The following SRPRA variants were observed in gnomAD, a reference collection of about 807,000 sequenced individuals.
SRPRA encodes the protein signal recognition particle receptor subunit alpha.
In SRPRA, 30 loss-of-function variants were observed where a neutral mutation model predicts 61.1. The observed-to-expected ratio is 0.49, with a 90% confidence interval of 0.37 to 0.67. The LOEUF (loss-of-function observed/expected upper bound fraction) is 0.67. Ranked by LOEUF, SRPRA falls within the 30% of genes least tolerant of loss-of-function variation. The probability of loss-of-function intolerance (pLI) is 0.00; values close to 1 mark genes in which losing one functional copy is unlikely to be tolerated. For synonymous variants in SRPRA, 324 were observed against 299.7 expected (o/e 1.08, Z -0.84); for missense variants, 759 against 828.4 (o/e 0.92, Z 1.03).
Position 126,264,394 on chromosome 11 carries a change from A to G in SRPRA, c.1671T>C (p.Asn557=). Residue 557 remains asparagine (N), a synonymous_variant, in exon 12 of 14, where the codon AAT becomes AAC. Coordinates refer to ENST00000332118, the MANE Select transcript of SRPRA (RefSeq NM_003139.4). This position sits in a 1 kb window ranked among gnomAD's most constrained non-coding sequence, Gnocchi z 5.0. ...CTCTCACCAGCTGGTCCACGGCTTCATTGCCTACTAAGGCTTCTCCTACAA... is the reference window on the plus strand; with the variant it reads ...CTCTCACCAGCTGGTCCACGGCTTCGTTGCCTACTAAGGCTTCTCCTACAA... ...VLFVGEALVG[N]EAVDQLVKFN... The G allele has an allele frequency of 6.2e-7, 1 of 1,614,240 alleles. No individual in the cohort carries two copies. The highest frequency in any genetic ancestry group is 8.5e-7 in the Non-Finnish European group (1 of 1,180,046).
the SRPRA span, among the ~76,000 whole-genome samples, chr11:126,239,351 A>G: frequency 8.5e-5 from 13 of 152,210 alleles, no homozygotes; most frequent in Non-Finnish European, 1.9e-4. Context: ...ATGAAAAGTA[A>G]AAAGTCCTTA....
chr11:126,258,330 T>C (rs1210093304), downstream of SRPRA, among the ~76,000 whole-genome samples: 1 of 152,194 alleles, frequency 6.6e-6, no homozygotes, highest in East Asian at 1.9e-4. Flanking sequence ...GAGTCTGCAG[T>C]GAGCTATGAT....
chr11:126,237,972 G>C, the SRPRA span, among the ~76,000 whole-genome samples: 1 of 150,136 alleles, frequency 6.7e-6, no homozygotes, highest in South Asian at 2.1e-4. Flanking sequence ...CTCTCTACCT[G>C]CTAGTTTGTT....
chr11:126,236,350 A>AATTTTTAGT, the SRPRA span, among the ~76,000 whole-genome samples: 1 of 152,324 alleles, frequency 6.6e-6, no homozygotes, highest in Non-Finnish European at 1.5e-5. Context: ...CTGAGTATAG[A>AATTTTTAGT]ATTTTTAGTA....
chr11:126,266,285 G>A lies in SRPRA; in HGVS notation c.841-7C>T, dbSNP rs1950808310. 6.2e-7 allele frequency: 1 copy of A among 1,613,904 alleles called. No individual in the cohort carries two copies. The highest frequency in any genetic ancestry group is 1.1e-5 in the South Asian group (1 of 91,090). On this transcript the variant is annotated splice_region_variant and splice_polypyrimidine_tract_variant and intron_variant, in intron 6 of 13. Transcript: ENST00000332118. ...CAGACCCAGTCCCTCGAATCTGGAA[G>A]ATACGGGGAAAGGATGTGGGGTCAG...
At chr11:126,247,881 CTATA>C in the SRPRA span, among the ~76,000 whole-genome samples, 1 of 138,856 alleles carries the variant, frequency 7.2e-6, no homozygotes, top group Non-Finnish European at 1.5e-5. Context: ...ATATATATAT[CTATA>C]TATATATATA....
chr11:126,254,498 T>C, the SRPRA span: 1 of 1,593,614 alleles, frequency 6.3e-7, no homozygotes, highest in Non-Finnish European at 8.6e-7. Context: ...AAATATGCCA[T>C]AGATCTTAAA....
the SRPRA span, among the ~76,000 whole-genome samples, chr11:126,246,555 C>T: frequency 6.6e-6 from 1 of 152,152 alleles, no homozygotes; most frequent in Non-Finnish European, 1.5e-5. Flanking sequence ...AGTTGATGCA[C>T]TAGAAATGTT....
chr11:126,265,104 C>T lies in SRPRA; in HGVS notation c.1380G>A (p.Gly460=). The change falls in exon 11 of 14, where the codon GGG becomes GGA. Residue 460 remains glycine, a synonymous_variant. Transcript: ENST00000332118. This position sits in a 1 kb window ranked among gnomAD's most constrained non-coding sequence, Gnocchi z 6.3. The part of the protein sequence containing the change: ...LIAACDTFRA[G]AVEQLRTHTR... ...TGTGTGTACGCAGCTGCTCCACGGC[C>T]CCAGCACGAAATGTATCACAGGCAG... is the stretch of plus-strand genomic sequence containing the variant. 1 of 1,614,092 alleles carries T rather than the reference C, an allele frequency of 6.2e-7. No homozygotes were observed. Among genetic ancestry groups the T allele is most frequent in the Non-Finnish European group, 8.5e-7 (1 of 1,180,034 alleles).
the SRPRA span, chr11:126,254,532 G>A: frequency 1.3e-6 from 2 of 1,495,450 alleles, no homozygotes; most frequent in Non-Finnish European, 1.8e-6. Context: ...TTTTCATTAA[G>A]TGAAAACGGA....
the SRPRA span, among the ~76,000 whole-genome samples, chr11:126,254,892 G>A: frequency 6.6e-6 from 1 of 152,192 alleles, no homozygotes; most frequent in Non-Finnish European, 1.5e-5. Context: ...GGGTGTGCAT[G>A]CTGTCTAGGA....
At chr11:126,257,226 G>A in the SRPRA span, among the ~76,000 whole-genome samples, 4 of 152,152 alleles carry the variant, frequency 2.6e-5, no homozygotes, top group East Asian at 3.8e-4. Flanking sequence ...GGTAAAGTTA[G>A]TACAACTTTT....
At chr11:126,248,231 T>C in the SRPRA span, among the ~76,000 whole-genome samples, 3 of 151,644 alleles carry the variant, frequency 2.0e-5, no homozygotes, top group Non-Finnish European at 2.9e-5. Flanking sequence ...TTTGAAATTG[T>C]ATTTGTAGGA....
chr11:126,267,862 A>G lies in SRPRA; in HGVS notation c.201+141T>C. 3 of 1,373,540 alleles carry G rather than the reference A, an allele frequency of 2.2e-6. No homozygotes were observed. Among genetic ancestry groups the G allele is most frequent in the Non-Finnish European group, 3.0e-6 (3 of 987,164 alleles). The allele number at this position is 1,373,540 out of a possible 1,614,324, so 85.1% of individuals were successfully genotyped here. On this transcript the variant is annotated intron_variant, in intron 2 of 13. Coordinates refer to ENST00000332118, the MANE Select transcript of SRPRA (RefSeq NM_003139.4). This position sits in a 1 kb window ranked among gnomAD's most constrained non-coding sequence, Gnocchi z 4.2. ...GCAGCCAAGCTCCCTGCCTGGGCCCAGTAGCTGCTGTTTTCCCCCATCTAC... is the reference window on the plus strand; with the variant it reads ...GCAGCCAAGCTCCCTGCCTGGGCCCGGTAGCTGCTGTTTTCCCCCATCTAC...
At chr11:126,245,882 G>A in the SRPRA span, among the ~76,000 whole-genome samples, 675 of 151,784 alleles carry the variant, frequency 4.4e-3, 2 homozygotes, top group African/African-American at 0.015. Flanking sequence ...TGTAGTCACA[G>A]CTACTGGGGA....
chr11:126,253,698 C>T, the SRPRA span, among the ~76,000 whole-genome samples: 1 of 152,170 alleles, frequency 6.6e-6, no homozygotes, highest in Non-Finnish European at 1.5e-5. The surrounding 1 kb of genome is among the most constrained non-coding windows in gnomAD (Gnocchi z 5.1). Context: ...CTGATGGCCG[C>T]ACCAGGGCTG....
the SRPRA span, among the ~76,000 whole-genome samples, chr11:126,247,824 C>T: frequency 1.5e-4 from 22 of 148,826 alleles, no homozygotes; most frequent in African/African-American, 5.2e-4. Context: ...CGCCACTGCA[C>T]TCCAGCCTGG....
At chr11:126,261,537 A>G (rs1950699236), downstream of SRPRA, 33 of 1,463,532 alleles carry the variant, frequency 2.3e-5, no homozygotes, top group Non-Finnish European at 3.1e-5. Flanking sequence ...AAGTCTTTCT[A>G]GGTCCTTGGT....
chr11:126,241,697 G>A, the SRPRA span, among the ~76,000 whole-genome samples: 4 of 151,974 alleles, frequency 2.6e-5, no homozygotes, highest in Admixed American at 6.6e-5. Flanking sequence ...TTACAGGCAT[G>A]TGCCACCATG....
Sources: allele counts gnomAD v4.1 joint callset (sites outside exome capture counted in the v4.1 genomes callset), GRCh38; gene constraint gnomAD v4.1.1; non-coding constraint Gnocchi (gnomAD v3.1); transcripts MANE v1.5; gene names NCBI Gene and HGNC (gene_info 2026-07-23, HGNC 2026-07-21).